GABRG3: variants seen among roughly 807,000 people sequenced by gnomAD.
The protein encoded by GABRG3 is gamma-aminobutyric acid type A receptor subunit gamma3.
In GABRG3, 25 loss-of-function variants were observed where a neutral mutation model predicts 48.8. That is an observed-to-expected ratio of 0.51 (90% CI 0.37 to 0.72). GABRG3 has a LOEUF of 0.72. Among genes scored for constraint, GABRG3 ranks in the 30% least tolerant of loss-of-function variants. The pLI, the probability that GABRG3 is intolerant of heterozygous loss-of-function variation, is 0.00. For synonymous variants in GABRG3, 227 were observed against 217.6 expected, an observed-to-expected ratio of 1.04 and a Z score of -0.38; for missense variants, 394 against 577.9, an observed-to-expected ratio of 0.68 and a Z score of 3.26.
chr15:26,983,229 G>C (rs1483731987), intron 2 of GABRG3, among the ~76,000 whole-genome samples: 2 of 151,082 alleles, frequency 1.3e-5, no homozygotes, highest in Admixed American at 6.6e-5. Flanking sequence ...AAGGTGCAGT[G>C]AACTTATATG....
chr15:27,171,634 C>A (rs377075820), intron 3 of GABRG3, among the ~76,000 whole-genome samples: 16 of 151,508 alleles, frequency 1.1e-4, no homozygotes, highest in African/African-American at 3.9e-4. Flanking sequence ...AAATATATTC[C>A]TTTTCTTGCT....
At chr15:27,245,594 C>T (rs1444784454) in intron 3 of GABRG3, among the ~76,000 whole-genome samples, 1 of 152,110 alleles carries the variant, frequency 6.6e-6, no homozygotes, top group Non-Finnish European at 1.5e-5. Flanking sequence ...AGAAAATAGG[C>T]TGGGCATGGT....
chr15:27,257,560 A>G (rs1890658672), intron 3 of GABRG3, among the ~76,000 whole-genome samples: 1 of 152,206 alleles, frequency 6.6e-6, no homozygotes, highest in Non-Finnish European at 1.5e-5. Context: ...CATTTATAGT[A>G]TAAGGGTCCA....
rs1896510330 is a variant in GABRG3, at chr15:27,054,608, C to T, written c.270+27787C>T. ...TGCATCCGTTTATTTTGTGGTGCCG[C>T]CCTGACTCCCATACAGAAAACTGGC... is the stretch of plus-strand genomic sequence containing the variant. On this transcript the variant is annotated intron_variant, in intron 3 of 9. Transcript: ENST00000615808. Among the ~76,000 whole-genome samples, 4 of 152,260 alleles carry T rather than the reference C, an allele frequency of 2.6e-5. No individual in the cohort carries two copies. The South Asian group carries it at 8.3e-4, about 32-fold the overall frequency.
chr15:27,182,786 G>A (rs1377970186), intron 3 of GABRG3, among the ~76,000 whole-genome samples: 1 of 152,166 alleles, frequency 6.6e-6, no homozygotes, highest in Non-Finnish European at 1.5e-5. Flanking sequence ...TCTGCTCGGG[G>A]CCAGGCTGTG....
rs528568807 is a variant in GABRG3, at chr15:27,432,423, C to T, written c.575-48227C>T. Among the ~76,000 whole-genome samples, 16 of 152,102 alleles carry T rather than the reference C, an allele frequency of 1.1e-4. No individual in the cohort carries two copies. The South Asian group carries it at 3.3e-3, about 32-fold the overall frequency. On this transcript the variant is annotated intron_variant, in intron 5 of 9. Coordinates refer to ENST00000615808, the MANE Select transcript of GABRG3 (RefSeq NM_033223.5). The stretch of plus-strand genomic sequence containing the variant: ...CATTTACACTGTCTTTTACATTTGC[C>T]CCTCAGAGAGCCTTTGGTGCTCTTT...
chr15:27,387,678 G>A (rs772317823), intron 5 of GABRG3, among the ~76,000 whole-genome samples: 1 of 151,416 alleles, frequency 6.6e-6, no homozygotes, highest in Non-Finnish European at 1.5e-5. Context: ...TTAGTTTAGT[G>A]TGCAGTGGGG....
chr15:27,491,811 G>C (rs1315930879), intron 6 of GABRG3, among the ~76,000 whole-genome samples: 1 of 152,138 alleles, frequency 6.6e-6, no homozygotes, highest in Non-Finnish European at 1.5e-5. Context: ...GAATTACGAG[G>C]ACATTGAAAG....
At chr15:26,983,586 A>G (rs1303595376) in intron 2 of GABRG3, among the ~76,000 whole-genome samples, 1 of 152,172 alleles carries the variant, frequency 6.6e-6, no homozygotes, top group African/African-American at 2.4e-5. Context: ...AGTCTGAGCA[A>G]CATAAGAGAC....
At chr15:27,452,273 T>C (rs1889134658) in intron 5 of GABRG3, among the ~76,000 whole-genome samples, 1 of 152,156 alleles carries the variant, frequency 6.6e-6, no homozygotes, top group African/African-American at 2.4e-5. Context: ...CATTGCACAC[T>C]GTTGGTGGAA....
chr15:27,381,521 C>T (rs988867400), intron 5 of GABRG3, among the ~76,000 whole-genome samples: 1 of 152,218 alleles, frequency 6.6e-6, no homozygotes, highest in Non-Finnish European at 1.5e-5. Context: ...TAGGTTTTCT[C>T]ACCCCAGTGC....
rs368309341 is a variant in GABRG3, at chr15:27,005,357, C to T, written c.203-21397C>T. The stretch of plus-strand genomic sequence containing the variant: ...CTGGGACTACAGGAGCAGGCCACCA[C>T]GCCCAGCTTTAAATTGTTAAATATC... On this transcript the variant is annotated intron_variant, in intron 2 of 9. Coordinates refer to ENST00000615808, the MANE Select transcript of GABRG3 (RefSeq NM_033223.5). Among the ~76,000 whole-genome samples the T allele has an allele frequency of 1.3e-4, 20 of 152,222 alleles. 1 individual carries two copies. In the South Asian group the frequency reaches 1.5e-3, roughly 11 times the overall value.
rs377073243 is a variant in GABRG3 at position 27,093,831 on chromosome 15, G to A, written c.270+67010G>A. 6.6e-5 allele frequency among the ~76,000 whole-genome samples: 10 copies of A among 152,240 alleles called. 1 individual carries two copies. The highest frequency in any genetic ancestry group is 6.8e-3 in the Middle Eastern group (2 of 294). On this transcript the variant is annotated intron_variant, in intron 3 of 9. Transcript: ENST00000615808. ...TTTTAAATGTCGAGGTCCCTTCAGC[G>A]TGTAAATGGGTTCATGCCTTACTTC...
chr15:27,499,988 G>C (rs1408944253), intron 6 of GABRG3, among the ~76,000 whole-genome samples: 1 of 152,190 alleles, frequency 6.6e-6, no homozygotes, highest in Non-Finnish European at 1.5e-5. Flanking sequence ...TGCACAGTGT[G>C]TCCCCGCTGC....
intron 3 of GABRG3, among the ~76,000 whole-genome samples, chr15:27,325,953 A>G (rs1213265984): frequency 6.6e-6 from 1 of 152,228 alleles, no homozygotes; most frequent in Non-Finnish European, 1.5e-5. Flanking sequence ...ATCCCTTACA[A>G]TCAGCCTCTA....
chr15:27,047,022 G>C (rs1488119282), intron 3 of GABRG3, among the ~76,000 whole-genome samples: 1 of 152,198 alleles, frequency 6.6e-6, no homozygotes, highest in African/African-American at 2.4e-5. Context: ...GACGATGTAA[G>C]ATAATGTCTG....
intron 3 of GABRG3, among the ~76,000 whole-genome samples, chr15:27,086,630 A>C (rs1348586860): frequency 2.0e-5 from 3 of 152,244 alleles, no homozygotes; most frequent in African/African-American, 7.2e-5. Flanking sequence ...TATAACATAC[A>C]TTTAGGTTAG....
At chr15:27,027,788 A>G (rs1896010299) in intron 3 of GABRG3, among the ~76,000 whole-genome samples, 1 of 152,216 alleles carries the variant, frequency 6.6e-6, no homozygotes, top group Non-Finnish European at 1.5e-5. Context: ...ATGGCTGTAT[A>G]TTAAAATCAA....
At chr15:27,222,121 C>G (rs560089768) in intron 3 of GABRG3, among the ~76,000 whole-genome samples, 2 of 152,364 alleles carry the variant, frequency 1.3e-5, no homozygotes, top group East Asian at 3.9e-4. Context: ...CTAGCACGTT[C>G]TTCCACAGAA....
Sources: allele counts gnomAD v4.1 joint callset (sites outside exome capture counted in the v4.1 genomes callset), GRCh38; gene constraint gnomAD v4.1.1; transcripts MANE v1.5; gene names NCBI Gene and HGNC (gene_info 2026-07-23, HGNC 2026-07-21).